BMX: variants seen among roughly 807,000 people sequenced by gnomAD.
BMX encodes BMX non-receptor tyrosine kinase, also known as cytoplasmic tyrosine-protein kinase BMX.
BMX carries 31 observed loss-of-function variants against 59.2 expected under a neutral mutation model. The observed-to-expected ratio is 0.52, with a 90% confidence interval of 0.39 to 0.71. The LOEUF is 0.71. Among genes scored for constraint, BMX ranks in the 30% least tolerant of loss-of-function variants. The probability of loss-of-function intolerance (pLI) is 0.00; values close to 1 mark genes in which losing one functional copy is unlikely to be tolerated. For missense variants in BMX, 474 were observed against 491.7 expected (o/e 0.96, Z 0.34); for synonymous variants, 185 against 181.0 (o/e 1.02, Z -0.18).
intron 18 of BMX, among the ~76,000 whole-genome samples, 164 bp downstream of exon 18, chrX:15,550,161 G>A (rs1433687029): frequency 9.0e-6 from 1 of 111,650 alleles, no homozygotes; most frequent in Non-Finnish European, 1.9e-5. Context: ...TAAAACATGC[G>A]GGTGCCAAAC....
In BMX at chrX:15,543,476, C is replaced by A. The variant is rs781594465; in HGVS notation, c.1676+341C>A. 8.2e-5 allele frequency among the ~76,000 whole-genome samples: 9 copies of A among 110,139 alleles called. No individual in the cohort carries two copies. The Middle Eastern group carries it at 0.014, about 171-fold the overall frequency. On this transcript the variant is annotated intron_variant, in intron 16 of 18. Transcript: ENST00000348343. ...AGTAGGTATACATATTTATGGGGTACATGTGATGTTTTGATACAGGCATGC... is the reference window on the plus strand; with the variant it reads ...AGTAGGTATACATATTTATGGGGTAAATGTGATGTTTTGATACAGGCATGC...
intron 9 of BMX, among the ~76,000 whole-genome samples, chrX:15,526,782 C>T (rs754784577): frequency 1.2e-4 from 13 of 109,511 alleles, no homozygotes; most frequent in African/African-American, 3.7e-4. Flanking sequence ...GACAGGGTTT[C>T]GCCATGTTTG....
intron 14 of BMX, 119 bp from the exon 15 acceptor site, chrX:15,541,863 C>A: frequency 1.5e-6 from 1 of 653,973 alleles, no homozygotes; most frequent in Non-Finnish European, 2.4e-6. Flanking sequence ...TTTCTCTGTT[C>A]AAGTGAAAGA....
Position 15,511,487 on chromosome X carries a change from C to G in BMX, c.294C>G (p.Ser98Arg), listed in dbSNP as rs779395852. 8.3e-7 allele frequency: 1 copy of G among 1,203,704 alleles called. No homozygotes were observed. Among genetic ancestry groups the G allele is most frequent in the South Asian group, 1.8e-5 (1 of 55,846 alleles). Reference protein sequence around the residue: ...LLYVYASNEESRSQWLKALQK... With the variant: ...LLYVYASNEERRSQWLKALQK... ...ATGTCTATGCATCAAATGAAGAGAG[C>G]CGAAGTCAGTGGTTGAAAGCATTAC... is the stretch of plus-strand genomic sequence containing the variant. The change falls in exon 4 of 19, where the codon AGC becomes AGG. Residue 98 changes from serine (S) to arginine (R), a missense_variant. Transcript: ENST00000348343.
At chrX:15,510,840 G>T (rs1381122760) in intron 3 of BMX, among the ~76,000 whole-genome samples, 1 of 112,349 alleles carries the variant, frequency 8.9e-6, no homozygotes, top group Non-Finnish European at 1.9e-5. Flanking sequence ...AGAAGATATT[G>T]TAATCTTCAA....
At chrX:15,504,671 T>C (rs1235716429) in intron 1 of BMX, among the ~76,000 whole-genome samples, 1 of 112,531 alleles carries the variant, frequency 8.9e-6, no homozygotes, top group Non-Finnish European at 1.9e-5. Context: ...GTCATGTTAA[T>C]TCAACACACA....
chrX:15,511,565 A>C (rs773110270), intron 4 of BMX, 47 bp downstream of exon 4: 1 of 1,089,932 alleles, frequency 9.2e-7, no homozygotes, highest in Non-Finnish European at 1.2e-6. Context: ...AAAAAAAGCC[A>C]TAAAAGAGAG....
chrX:15,526,572 G>A (rs1268200188), intron 9 of BMX, among the ~76,000 whole-genome samples: 4 of 106,516 alleles, frequency 3.8e-5, no homozygotes, highest in Non-Finnish European at 5.8e-5. Context: ...CTATTCTTAG[G>A]ATGACCTTGT....
In BMX at chrX:15,556,207, T is replaced by C. The variant is rs1007469253; in HGVS notation, c.*60T>C. ...AGATGCTGGCCAGCATTTTCATTCA[T>C]TTTAAGGAAAGTAGCAAGGCATAAT... On this transcript the variant is annotated 3_prime_UTR_variant, in exon 19 of 19. Transcript: ENST00000348343. The C allele has an allele frequency of 8.6e-6, 9 of 1,049,505 alleles. No homozygotes were observed. The Admixed American group carries it at 1.1e-4, about 13-fold the overall frequency. The allele number at this position is 1,049,505 out of a possible 1,213,427, so 86.5% of individuals were successfully genotyped here.
intron 7 of BMX, 54 bp downstream of exon 7, chrX:15,522,641 G>A (rs1924523892): frequency 1.7e-6 from 2 of 1,187,948 alleles, no homozygotes; most frequent in Admixed American, 2.3e-5. Context: ...ACACTACCCC[G>A]GCTGCCCTGG....
At chrX:15,549,151 C>T (rs1289019181) in intron 17 of BMX, among the ~76,000 whole-genome samples, 3 of 110,794 alleles carry the variant, frequency 2.7e-5, no homozygotes, top group Non-Finnish European at 5.7e-5. Context: ...TGACCAGAAC[C>T]GAGATTTCTT....
At chrX:15,534,133 C>A in intron 11 of BMX, 79 bp from the exon 12 acceptor site, 1 of 962,375 alleles carries the variant, frequency 1.0e-6, no homozygotes, top group South Asian at 3.3e-5. Flanking sequence ...TGCAAATGCA[C>A]CTAAAATAAT....
At chrX:15,503,767 C>T (rs1016801873) in intron 1 of BMX, among the ~76,000 whole-genome samples, 8 of 112,058 alleles carry the variant, frequency 7.1e-5, no homozygotes, top group Admixed American at 1.9e-4. Flanking sequence ...GTTAGACTGC[C>T]GGGATTCAAA....
intron 1 of BMX, among the ~76,000 whole-genome samples, chrX:15,506,237 C>T (rs1310748020): frequency 9.0e-6 from 1 of 111,604 alleles, no homozygotes; most frequent in African/African-American, 3.3e-5. Flanking sequence ...ATATGTATAC[C>T]AGCACATAGT....
chrX:15,523,195 T>C (rs1031674599), intron 7 of BMX, among the ~76,000 whole-genome samples: 10 of 112,158 alleles, frequency 8.9e-5, no homozygotes, highest in African/African-American at 3.2e-4. Flanking sequence ...GATGACCATA[T>C]GGAAAGGGTC....
intron 7 of BMX, among the ~76,000 whole-genome samples, chrX:15,522,847 C>G (rs1924531795): frequency 8.9e-6 from 1 of 112,084 alleles, no homozygotes; most frequent in African/African-American, 3.2e-5. Context: ...CCTTCTCCCC[C>G]CAAATATCTC....
At chrX:15,517,056 C>A in intron 5 of BMX, among the ~76,000 whole-genome samples, 1 of 111,424 alleles carries the variant, frequency 9.0e-6, no homozygotes, top group Non-Finnish European at 1.9e-5. Flanking sequence ...AAGATACAGG[C>A]ACATAAAATA....
intron 4 of BMX, among the ~76,000 whole-genome samples, chrX:15,513,284 A>T (rs958927432): frequency 8.9e-6 from 1 of 112,137 alleles, no homozygotes; most frequent in Non-Finnish European, 1.9e-5. Context: ...TGCAGGAGAG[A>T]TTCCAAGCCT....
rs755287845 is a variant in BMX, at chrX:15,526,083, T to C, written c.872T>C (p.Leu291Pro). 1.1e-5 allele frequency: 13 copies of C among 1,206,885 alleles called. No individual in the cohort carries two copies. Among genetic ancestry groups the C allele is most frequent in the Admixed American group, 2.2e-5 (1 of 45,837 alleles). ...ESSSSEEEEN[L>P]DDYDWFAGNI... ...AGTTCATCTGAAGAAGAGGAAAACC[T>C]GGATGATTATGAGTGAGTATTGAAA... Residue 291 changes from leucine to proline, a missense_variant, in exon 9 of 19, where the codon CTG becomes CCG. By Grantham distance (98) the Leu-to-Pro change is moderately conservative. Coordinates refer to ENST00000348343, the MANE Select transcript of BMX (RefSeq NM_203281.3).
Sources: allele counts gnomAD v4.1 joint callset (sites outside exome capture counted in the v4.1 genomes callset), GRCh38; gene constraint gnomAD v4.1.1; transcripts MANE v1.5; gene names NCBI Gene and HGNC (gene_info 2026-07-23, HGNC 2026-07-21).